The following CNTN5 variants were observed in gnomAD, a reference collection of about 807,000 sequenced individuals.
CNTN5 encodes contactin-5.
CNTN5 carries 77 observed loss-of-function variants against 129.1 expected under a neutral mutation model. That is an observed-to-expected ratio of 0.60 (90% CI 0.50 to 0.72). The LOEUF is 0.72. Ranked by LOEUF, CNTN5 falls within the 30% of genes least tolerant of loss-of-function variation. The pLI, the probability that CNTN5 is intolerant of heterozygous loss-of-function variation, is 0.00. For synonymous variants in CNTN5, 509 were observed against 465.6 expected (o/e 1.09, Z -1.20); for missense variants, 1,478 against 1,328.8 (o/e 1.11, Z -1.75).
Position 100,308,397 on chromosome 11 carries a change from G to A in CNTN5, c.2659G>A (p.Val887Met). 2 of 1,610,998 alleles carry A rather than the reference G, an allele frequency of 1.2e-6. No individual in the cohort carries two copies. Among genetic ancestry groups the A allele is most frequent in the Non-Finnish European group, 1.7e-6 (2 of 1,177,896 alleles). ...TCCCACAGATGTCAAGGCGACAAGT[G>A]TGTCTGTGTCAGAGATTCTTGTTGC... ...AAPTDVKATS[V>M]SVSEILVAWK... The change falls in exon 21 of 25, where the codon GTG becomes ATG. Residue 887 changes from valine to methionine, a missense_variant. Coordinates refer to ENST00000524871, the MANE Select transcript of CNTN5 (RefSeq NM_014361.4).
At chr11:99,788,115 G>A (rs1202525456) in intron 3 of CNTN5, among the ~76,000 whole-genome samples, 3 of 151,892 alleles carry the variant, frequency 2.0e-5, no homozygotes, top group Non-Finnish European at 2.9e-5. Context: ...ATTTTCAGGT[G>A]ATCTCTTCCA....
At chr11:99,160,365 G>A (rs1860549321) in intron 1 of CNTN5, among the ~76,000 whole-genome samples, 1 of 152,166 alleles carries the variant, frequency 6.6e-6, no homozygotes. Flanking sequence ...TTGATGGCAA[G>A]TATTCTGCAA....
intron 16 of CNTN5, among the ~76,000 whole-genome samples, chr11:100,243,988 A>T (rs1949792284): frequency 6.6e-6 from 1 of 152,052 alleles, no homozygotes; most frequent in African/African-American, 2.4e-5. Flanking sequence ...CCAAGTATGA[A>T]ATTTTGGAAT....
rs142132080 is a variant in CNTN5, at chr11:100,046,494, C to T, written c.981-14718C>T. 5.8e-3 allele frequency among the ~76,000 whole-genome samples: 878 copies of T among 152,032 alleles called. 12 individuals are homozygous for T. Among genetic ancestry groups the T allele is most frequent in the African/African-American group, 0.02 (831 of 41,446 alleles). ...TATTTTTCTTCTTTTTTTAACATTG[C>T]TAAGATTGCATTATGACATATGTAG... On this transcript the variant is annotated intron_variant, in intron 9 of 24. Transcript: ENST00000524871.
chr11:99,731,323 G>T (rs531158001), intron 3 of CNTN5, among the ~76,000 whole-genome samples: 9 of 152,038 alleles, frequency 5.9e-5, no homozygotes, highest in South Asian at 4.1e-4. Context: ...GTGTTAGCCA[G>T]GATGGTCTTG....
chr11:99,346,603 C>T (rs1215657919), intron 2 of CNTN5, among the ~76,000 whole-genome samples: 1 of 152,218 alleles, frequency 6.6e-6, no homozygotes, highest in East Asian at 1.9e-4. Flanking sequence ...GAGCAGGGTG[C>T]ACTTGTGACT....
At chr11:99,797,565 T>C (rs1945984164) in intron 3 of CNTN5, among the ~76,000 whole-genome samples, 1 of 152,152 alleles carries the variant, frequency 6.6e-6, no homozygotes, top group Non-Finnish European at 1.5e-5. Flanking sequence ...TCTTGGCCAC[T>C]TGTATGTCTT....
At chr11:99,676,559 T>G (rs905272837) in intron 3 of CNTN5, among the ~76,000 whole-genome samples, 2 of 152,252 alleles carry the variant, frequency 1.3e-5, no homozygotes. Context: ...CAAGGGCTTC[T>G]GCCTATAAAA....
At chr11:100,167,208 G>C (rs1947668085) in intron 13 of CNTN5, among the ~76,000 whole-genome samples, 1 of 151,610 alleles carries the variant, frequency 6.6e-6, no homozygotes, top group African/African-American at 2.4e-5. Context: ...AAAAATTAAA[G>C]TAACAATGTA....
chr11:99,683,461 T>C (rs899242933), intron 3 of CNTN5, among the ~76,000 whole-genome samples: 2 of 151,940 alleles, frequency 1.3e-5, no homozygotes, highest in Non-Finnish European at 2.9e-5. Flanking sequence ...CAAAAATAAA[T>C]TTATAGATTT....
At chr11:100,128,578 C>G (rs1437238494) in intron 13 of CNTN5, among the ~76,000 whole-genome samples, 1 of 152,022 alleles carries the variant, frequency 6.6e-6, no homozygotes, top group African/African-American at 2.4e-5. Context: ...CCTTTACAAG[C>G]AAAACAGGGA....
At chr11:99,189,773 G>A (rs1380449316) in intron 1 of CNTN5, among the ~76,000 whole-genome samples, 1 of 151,470 alleles carries the variant, frequency 6.6e-6, no homozygotes, top group Non-Finnish European at 1.5e-5. Context: ...TTGCTGTTGA[G>A]TTTTTTGAGT....
chr11:100,271,175 G>C lies in CNTN5; in HGVS notation c.2248G>C (p.Ala750Pro). ...PWVEYEFRVV[A>P]TNPIGTGDPS... The stretch of plus-strand genomic sequence containing the variant: ...GGTGGAATATGAATTTCGAGTGGTA[G>C]CCACCAACCCTATTGGGACAGGAGA... Residue 750 changes from alanine to proline, a missense_variant, in exon 18 of 25, where the codon GCC becomes CCC. Coordinates refer to ENST00000524871, the MANE Select transcript of CNTN5 (RefSeq NM_014361.4). 6.2e-7 allele frequency: 1 copy of C among 1,613,332 alleles called. No homozygotes were observed. The highest frequency in any genetic ancestry group is 1.3e-5 in the African/African-American group (1 of 75,008).
intron 1 of CNTN5, among the ~76,000 whole-genome samples, chr11:99,238,745 T>C (rs1861400960): frequency 6.6e-6 from 1 of 152,118 alleles, no homozygotes; most frequent in African/African-American, 2.4e-5. Context: ...AAATGTATTC[T>C]ATCTACATAC....
In CNTN5 at chr11:99,844,837, G is replaced by A. The variant is rs1324557874; in HGVS notation, c.278-15G>A. The A allele has an allele frequency of 6.2e-7, 1 of 1,603,976 alleles. No homozygotes were observed. The highest frequency in any genetic ancestry group is 8.5e-7 in the Non-Finnish European group (1 of 1,175,498). ...GTTTAAGGAAATTTAAAATGTGTCTGTTTTGTCTTTACAGAAAGTGTGGAC... is the reference window on the plus strand; with the variant it reads ...GTTTAAGGAAATTTAAAATGTGTCTATTTTGTCTTTACAGAAAGTGTGGAC... On this transcript the variant is annotated splice_polypyrimidine_tract_variant and intron_variant, in intron 4 of 24. Coordinates refer to ENST00000524871, the MANE Select transcript of CNTN5 (RefSeq NM_014361.4).
At chr11:99,957,398 A>G (rs1437848846) in intron 8 of CNTN5, among the ~76,000 whole-genome samples, 2 of 152,172 alleles carry the variant, frequency 1.3e-5, no homozygotes, top group Non-Finnish European at 2.9e-5. Context: ...GCTGCCTTCA[A>G]ATTGAATGCT....
chr11:99,731,354 A>G (rs10893811), intron 3 of CNTN5, among the ~76,000 whole-genome samples: 67,410 of 151,580 alleles, frequency 0.44, 15,875 homozygotes, highest in African/African-American at 0.61. Context: ...CTCGTGATCC[A>G]CCTAAGAGTT....
At chr11:100,129,712 A>G (rs1258873890) in intron 13 of CNTN5, among the ~76,000 whole-genome samples, 2 of 152,212 alleles carry the variant, frequency 1.3e-5, no homozygotes, top group African/African-American at 4.8e-5. Context: ...GTTGCATATC[A>G]CAGAGGATTA....
At chr11:99,789,258 C>T (rs1945651429) in intron 3 of CNTN5, among the ~76,000 whole-genome samples, 2 of 151,876 alleles carry the variant, frequency 1.3e-5, no homozygotes, top group Admixed American at 1.3e-4. Flanking sequence ...AAAATTCATA[C>T]ATATTTTCTC....
Sources: gnomAD v4.1 joint callset for allele counts (sites outside exome capture counted in the v4.1 genomes callset) on GRCh38, gnomAD v4.1.1 for gene constraint, MANE v1.5 for transcripts, NCBI Gene and HGNC (gene_info 2026-07-23, HGNC 2026-07-21) for gene names.